VWA3B: variants seen among roughly 807,000 people sequenced by gnomAD.
VWA3B encodes the protein von Willebrand factor A domain containing 3B, also known as von Willebrand factor A domain-containing protein 3B.
Under a neutral mutation model 158.3 loss-of-function variants are expected in VWA3B, and 138 were observed. The ratio of observed to expected loss-of-function variants is 0.87; its 90% confidence interval spans 0.76 to 1.00. VWA3B has a LOEUF of 1.00. Among genes scored for constraint, VWA3B ranks in the 50% least tolerant of loss-of-function variants. The pLI, the probability that VWA3B is intolerant of heterozygous loss-of-function variation, is 0.00. For synonymous variants in VWA3B, 596 were observed against 587.3 expected (o/e 1.01, Z -0.21); for missense variants, 1,555 against 1,565.1 (o/e 0.99, Z 0.11).
chr2:98,259,526 C>T (rs1349681689), intron 21 of VWA3B, among the ~76,000 whole-genome samples: 1 of 151,660 alleles, frequency 6.6e-6, no homozygotes, highest in African/African-American at 2.4e-5. Context: ...CTATTTTTGG[C>T]ATAGAACTAT....
At chr2:98,294,258 T>G (rs1357134101) in intron 23 of VWA3B, among the ~76,000 whole-genome samples, 1 of 128,520 alleles carries the variant, frequency 7.8e-6, no homozygotes, top group Non-Finnish European at 1.6e-5. Flanking sequence ...TTGCAGAGCA[T>G]AGGCTTGATG....
At chr2:98,157,135 A>T (rs890929919) in intron 7 of VWA3B, among the ~76,000 whole-genome samples, 2 of 152,210 alleles carry the variant, frequency 1.3e-5, no homozygotes, top group African/African-American at 4.8e-5. Context: ...GGCCCAGAGG[A>T]CGGTGCCACA....
intron 22 of VWA3B, 77 bp downstream of exon 22, chr2:98,270,960 T>G (rs954563819): frequency 2.8e-6 from 4 of 1,423,358 alleles, no homozygotes; most frequent in Non-Finnish European, 3.9e-6. Flanking sequence ...ATTGGCTTCC[T>G]TCTCTGTCTC....
chr2:98,270,768 T>C lies in VWA3B; in HGVS notation c.2930T>C (p.Leu977Pro), dbSNP rs1688150470. The change falls in exon 22 of 28, where the codon CTG (leucine) becomes CCG (proline). Residue 977 changes from leucine to proline, a missense_variant. Coordinates refer to ENST00000477737, the MANE Select transcript of VWA3B (RefSeq NM_144992.5). ...GAACGGTTGAATTGGCCCATTTCACTGAAAGAGCTGTCGATGCTGGAAAGT... is the reference window on the plus strand; with the variant it reads ...GAACGGTTGAATTGGCCCATTTCACCGAAAGAGCTGTCGATGCTGGAAAGT... ...ALERLNWPIS[L>P]KELSMLESEI... 1.9e-6 allele frequency: 3 copies of C among 1,614,062 alleles called. No homozygotes were observed. The highest frequency in any genetic ancestry group is 4.5e-5 in the East Asian group (2 of 44,896).
intron 2 of VWA3B, among the ~76,000 whole-genome samples, chr2:98,100,109 G>A (rs1255313727): frequency 6.6e-6 from 1 of 152,174 alleles, no homozygotes; most frequent in African/African-American, 2.4e-5. Flanking sequence ...ATTTGGTGAT[G>A]TCATGTTTCC....
intron 13 of VWA3B, among the ~76,000 whole-genome samples, chr2:98,213,252 T>G (rs1683695215): frequency 6.6e-6 from 1 of 151,440 alleles, no homozygotes; most frequent in African/African-American, 2.4e-5. Flanking sequence ...TGAAAAACGT[T>G]GGGTTGAGGA....
At position 98,177,926 on chromosome 2, in the gene VWA3B, A is replaced by T. The variant is rs148803261; in HGVS notation, c.1115-3090A>T. ...AGGGTATAATAAGGTGTGTGTTGCT[A>T]TGGAAATAATTGAATGAAAATTTAA... On this transcript the variant is annotated intron_variant, in intron 8 of 27. Coordinates refer to ENST00000477737, the MANE Select transcript of VWA3B (RefSeq NM_144992.5). 1.6e-4 allele frequency among the ~76,000 whole-genome samples: 24 copies of T among 152,294 alleles called. No homozygotes were observed. In the East Asian group the frequency reaches 3.9e-3, roughly 25 times the overall value.
chr2:98,320,055 G>T, the VWA3B span, among the ~76,000 whole-genome samples: 1 of 152,196 alleles, frequency 6.6e-6, no homozygotes, highest in South Asian at 2.1e-4. Context: ...ATCTTGAATT[G>T]TAACTCCCAT....
intron 21 of VWA3B, among the ~76,000 whole-genome samples, chr2:98,263,754 A>G (rs1687624405): frequency 6.6e-6 from 1 of 152,068 alleles, no homozygotes; most frequent in South Asian, 2.1e-4. Context: ...TCTGTCTCAT[A>G]AAATGAGTTA....
chr2:98,267,479 C>A (rs1687917031), intron 21 of VWA3B, among the ~76,000 whole-genome samples: 1 of 152,034 alleles, frequency 6.6e-6, no homozygotes, highest in South Asian at 2.1e-4. Context: ...TAAAGATGTT[C>A]TTTGAAACCA....
intron 7 of VWA3B, 31 bp from the exon 8 acceptor site, chr2:98,162,820 C>A (rs1260917235): frequency 1.9e-6 from 3 of 1,610,744 alleles, no homozygotes; most frequent in African/African-American, 1.3e-5. Flanking sequence ...CCTGTCTCAG[C>A]CGGCCGCTCA....
chr2:98,278,795 C>T (rs189642191), intron 22 of VWA3B, among the ~76,000 whole-genome samples: 364 of 152,166 alleles, frequency 2.4e-3, no homozygotes, highest in African/African-American at 8.3e-3. Flanking sequence ...AGGCAACATT[C>T]GAGAAGGAAA....
intron 8 of VWA3B, among the ~76,000 whole-genome samples, chr2:98,173,903 G>A (rs1020845184): frequency 1.2e-4 from 18 of 152,024 alleles, no homozygotes; most frequent in Non-Finnish European, 2.6e-4. Flanking sequence ...GGAGGCGGAG[G>A]CTGCAGTGAG....
At chr2:98,142,523 T>C (rs1209853929) in intron 7 of VWA3B, among the ~76,000 whole-genome samples, 1 of 152,202 alleles carries the variant, frequency 6.6e-6, no homozygotes, top group Non-Finnish European at 1.5e-5. Context: ...CTTTCTACAC[T>C]GCCATAGGCC....
intron 8 of VWA3B, among the ~76,000 whole-genome samples, chr2:98,163,408 C>T (rs1032036788): frequency 2.0e-5 from 3 of 152,000 alleles, no homozygotes; most frequent in East Asian, 3.9e-4. Flanking sequence ...TGTGGTGGCC[C>T]GTGCCTGTAA....
chr2:98,290,242 G>A (rs62155281), intron 22 of VWA3B, among the ~76,000 whole-genome samples: 6,961 of 152,080 alleles, frequency 0.046, 187 homozygotes, highest in Middle Eastern at 0.075. Flanking sequence ...GAGAGAGAGA[G>A]TGAAAGGGGA....
intron 12 of VWA3B, chr2:98,206,639 C>T: frequency 1.3e-5 from 5 of 374,482 alleles, no homozygotes; most frequent in South Asian, 1.3e-4. Context: ...ACAGTTTGCT[C>T]CCATTTATGT....
intron 20 of VWA3B, among the ~76,000 whole-genome samples, chr2:98,254,959 T>C (rs1687019654): frequency 1.3e-5 from 2 of 152,120 alleles, no homozygotes; most frequent in African/African-American, 4.8e-5. Flanking sequence ...GAATGCCTCC[T>C]GAAGAGCAGT....
At chr2:98,300,927 T>C (rs1004352073) in intron 25 of VWA3B, among the ~76,000 whole-genome samples, 1 of 151,934 alleles carries the variant, frequency 6.6e-6, no homozygotes, top group African/African-American at 2.4e-5. Context: ...TTGGCAGAAG[T>C]TGGGAGACAT....
Sources: gnomAD v4.1 joint callset for allele counts (sites outside exome capture counted in the v4.1 genomes callset) on GRCh38, gnomAD v4.1.1 for gene constraint, MANE v1.5 for transcripts, NCBI Gene and HGNC (gene_info 2026-07-23, HGNC 2026-07-21) for gene names.